Variants in B4GALT6 observed in about 807,000 individuals in gnomAD.
B4GALT6 encodes the protein UDP-Gal:beta-GlcNAc beta-1,4-galactosyltransferase 6.
B4GALT6 carries 14 observed loss-of-function variants against 46.3 expected under a neutral mutation model. The observed-to-expected ratio is 0.30, with a 90% CI of 0.20 to 0.47. The LOEUF is 0.47. Among genes scored for constraint, B4GALT6 ranks in the 20% least tolerant of loss-of-function variants. The probability of loss-of-function intolerance (pLI) is 0.99; values close to 1 mark genes in which losing one functional copy is unlikely to be tolerated. For missense variants in B4GALT6, 386 were observed against 480.1 expected, an observed-to-expected ratio of 0.80 and a Z score of 1.83; for synonymous variants, 168 against 162.0, an observed-to-expected ratio of 1.04 and a Z score of -0.28.
At chr18:31,662,208 T>C (rs2074225622) in intron 2 of B4GALT6, among the ~76,000 whole-genome samples, 1 of 152,198 alleles carries the variant, frequency 6.6e-6, no homozygotes, top group Non-Finnish European at 1.5e-5. Flanking sequence ...TATCATTATA[T>C]TCACTTCATT....
At chr18:31,712,033 T>A in the B4GALT6 span, among the ~76,000 whole-genome samples, 19 of 152,114 alleles carry the variant, frequency 1.2e-4, no homozygotes, top group Non-Finnish European at 2.5e-4. Flanking sequence ...AATCACACAC[T>A]CAAATGTTTG....
At chr18:31,673,055 G>A (rs1403428540) in intron 1 of B4GALT6, among the ~76,000 whole-genome samples, 1 of 152,322 alleles carries the variant, frequency 6.6e-6, no homozygotes, top group East Asian at 1.9e-4. Flanking sequence ...CCCTGAGCAT[G>A]TCAGCAGCCT....
chr18:31,654,287 A>G (rs1209114686), intron 3 of B4GALT6, among the ~76,000 whole-genome samples: 1 of 152,244 alleles, frequency 6.6e-6, no homozygotes, highest in Admixed American at 6.5e-5. Flanking sequence ...CATAAAAATT[A>G]AAATCAAAAC....
chr18:31,684,196 C>T (rs368692452), intron 1 of B4GALT6, 116 bp downstream of exon 1: 3 of 1,496,960 alleles, frequency 2.0e-6, no homozygotes, highest in Middle Eastern at 2.3e-4. Context: ...TAAAACAAAA[C>T]GCTTTTCTGC....
chr18:31,666,456 T>C (rs1327301573), intron 1 of B4GALT6, 84 bp from the exon 2 acceptor site: 12 of 540,722 alleles, frequency 2.2e-5, no homozygotes, highest in Non-Finnish European at 3.7e-5. Flanking sequence ...ATTGGGGAAG[T>C]GCCCAATAAA....
intron 2 of B4GALT6, among the ~76,000 whole-genome samples, chr18:31,658,774 T>C (rs373040813): frequency 3.2e-4 from 49 of 152,330 alleles, no homozygotes; most frequent in African/African-American, 1.1e-3. Flanking sequence ...ACGATGTAGC[T>C]TGCCATCTAT....
chr18:31,655,755 G>A (rs929482298), intron 3 of B4GALT6, among the ~76,000 whole-genome samples: 5 of 152,106 alleles, frequency 3.3e-5, no homozygotes, highest in Non-Finnish European at 7.4e-5. Context: ...ACATTACCCA[G>A]TGGTTTCAGT....
In B4GALT6 at chr18:31,624,264, C is replaced by T. The variant is rs987678599; in HGVS notation, c.*1350G>A. On this transcript the variant is annotated 3_prime_UTR_variant, in exon 9 of 9. Coordinates refer to ENST00000306851, the MANE Select transcript of B4GALT6 (RefSeq NM_004775.5). ...ACTCATCACGTATTTTAAGACAATGCTATTAAATTATGCTTTTAGATACTA... is the reference window on the plus strand; with the variant it reads ...ACTCATCACGTATTTTAAGACAATGTTATTAAATTATGCTTTTAGATACTA... 10 of 151,898 alleles carry T rather than the reference C, an allele frequency of 6.6e-5. No individual in the cohort carries two copies. The highest frequency in any genetic ancestry group is 1.3e-4 in the Non-Finnish European group (9 of 67,876). 9.4% of individuals were successfully genotyped at this position (151,898 alleles called of 1,614,324 possible).
the B4GALT6 span, among the ~76,000 whole-genome samples, chr18:31,717,729 C>G: frequency 6.6e-6 from 1 of 151,824 alleles, no homozygotes; most frequent in South Asian, 2.1e-4. Flanking sequence ...CCGAGGCAGG[C>G]GGATCACCGG....
In B4GALT6 at chr18:31,659,113, G is replaced by A. The variant is rs148205359; in HGVS notation, c.233-1024C>T. 2.6e-3 allele frequency among the ~76,000 whole-genome samples: 398 copies of A among 152,274 alleles called. 2 individuals carry two copies. Among genetic ancestry groups the A allele is most frequent in the African/African-American group, 9.2e-3 (383 of 41,554 alleles). ...GACGGAAACAGCTCATTAAACTACCGTCTGTCTCCTGGATCACAAACAATG... is the reference window on the plus strand; with the variant it reads ...GACGGAAACAGCTCATTAAACTACCATCTGTCTCCTGGATCACAAACAATG... On this transcript the variant is annotated intron_variant, in intron 2 of 8. Coordinates refer to ENST00000306851, the MANE Select transcript of B4GALT6 (RefSeq NM_004775.5).
At chr18:31,643,022 C>T (rs1258747845) in intron 4 of B4GALT6, among the ~76,000 whole-genome samples, 1 of 152,200 alleles carries the variant, frequency 6.6e-6, no homozygotes, top group Admixed American at 6.5e-5. Context: ...AGATGTTTAA[C>T]ATAAATCTAG....
intron 4 of B4GALT6, among the ~76,000 whole-genome samples, chr18:31,644,494 G>A (rs2073968222): frequency 6.6e-6 from 1 of 152,112 alleles, no homozygotes; most frequent in African/African-American, 2.4e-5. Flanking sequence ...GTATACTAAT[G>A]TTTTAAAAGA....
chr18:31,679,350 T>G (rs1216183867), intron 1 of B4GALT6, among the ~76,000 whole-genome samples: 2 of 152,234 alleles, frequency 1.3e-5, no homozygotes, highest in African/African-American at 2.4e-5. Flanking sequence ...ACTGAAGAGA[T>G]ATAGCTGAGT....
chr18:31,694,878 A>G, the B4GALT6 span, among the ~76,000 whole-genome samples: 1 of 152,204 alleles, frequency 6.6e-6, no homozygotes, highest in Non-Finnish European at 1.5e-5. Flanking sequence ...CCCAGACCCT[A>G]TTTGTCTTTA....
At chr18:31,658,156 T>G in intron 2 of B4GALT6, 67 bp from the exon 3 acceptor site, 1 of 1,104,614 alleles carries the variant, frequency 9.1e-7, no homozygotes. Context: ...TGGAATGAAA[T>G]ACGTCACTAT....
At chr18:31,664,162 C>CACCAAAATGGCACCCA (rs11272422) in intron 2 of B4GALT6, among the ~76,000 whole-genome samples, 63,203 of 152,042 alleles carry the variant, frequency 0.42, 15,296 homozygotes, top group South Asian at 0.64. Flanking sequence ...CAAGTTCAAA[C>CACCAAAATGGCACCCA]AGCAGCCATC....
At chr18:31,680,368 A>G (rs2074466176) in intron 1 of B4GALT6, among the ~76,000 whole-genome samples, 1 of 152,210 alleles carries the variant, frequency 6.6e-6, no homozygotes, top group South Asian at 2.1e-4. Context: ...GAAAGGACCT[A>G]AGATACCTCT....
chr18:31,686,947 G>A (rs916649351), upstream of B4GALT6: 1 of 152,188 alleles, frequency 6.6e-6, no homozygotes, highest in African/African-American at 2.4e-5. Flanking sequence ...TTTTTCAAAG[G>A]AAAGTTTACT....
At chr18:31,719,364 C>T in the B4GALT6 span, among the ~76,000 whole-genome samples, 1 of 152,162 alleles carries the variant, frequency 6.6e-6, no homozygotes, top group South Asian at 2.1e-4. Flanking sequence ...ACTCATCTGG[C>T]AACCTGCTCC....
Sources: gnomAD v4.1 joint callset for allele counts (sites outside exome capture counted in the v4.1 genomes callset) on GRCh38, gnomAD v4.1.1 for gene constraint, MANE v1.5 for transcripts, NCBI Gene and HGNC (gene_info 2026-07-23, HGNC 2026-07-21) for gene names.